The following FBXW12 variants were observed in gnomAD, a reference collection of about 807,000 sequenced individuals.
The protein encoded by FBXW12 is F-box and WD repeat domain containing 12.
In FBXW12, 43 loss-of-function variants were observed where a neutral mutation model predicts 55.3. That is an observed-to-expected ratio of 0.78 (90% CI 0.61 to 1.00). The LOEUF is 1.00. Ranked by LOEUF, FBXW12 falls within the 50% of genes least tolerant of loss-of-function variation. The pLI is 0.00. For synonymous variants in FBXW12, 184 were observed against 203.8 expected (o/e 0.90, Z 0.83); for missense variants, 524 against 560.5 (o/e 0.93, Z 0.66).
Position 48,379,437 on chromosome 3 carries a change from T to G in FBXW12, c.653T>G (p.Leu218Arg). 1 of 1,614,224 alleles carries G rather than the reference T, an allele frequency of 6.2e-7. No homozygotes were observed. The highest frequency in any genetic ancestry group is 8.5e-7 in the Non-Finnish European group (1 of 1,180,014). The change falls in exon 7 of 11, where the codon CTG becomes CGG. Residue 218 changes from leucine (L) to arginine (R), a missense_variant. Coordinates refer to ENST00000296438, the MANE Select transcript of FBXW12 (RefSeq NM_207102.2). ...GCAGGTGACATCTACACATTTACACTGCCTGGGTTAAGAGATGTTTCTAAA... is the reference window on the plus strand; with the variant it reads ...GCAGGTGACATCTACACATTTACACGGCCTGGGTTAAGAGATGTTTCTAAA... ...DAAGDIYTFT[L>R]PGLRDVSKVT...
intron 5 of FBXW12, 34 bp downstream of exon 5, chr3:48,375,506 A>G (rs1356532271): frequency 1.6e-6 from 2 of 1,248,712 alleles, no homozygotes; most frequent in Non-Finnish European, 2.3e-6. Context: ...AAAGTACTGC[A>G]TATTTGCATC....
rs964340725 is a variant in FBXW12 at position 48,380,692 on chromosome 3, C to T, written c.775-10C>T. The T allele has an allele frequency of 6.2e-7, 1 of 1,604,982 alleles. No homozygotes were observed. Among genetic ancestry groups the T allele is most frequent in the Non-Finnish European group, 8.5e-7 (1 of 1,171,604 alleles). On this transcript the variant is annotated splice_polypyrimidine_tract_variant and intron_variant, in intron 7 of 10. Coordinates refer to ENST00000296438, the MANE Select transcript of FBXW12 (RefSeq NM_207102.2). Reference sequence around the variant, plus strand: ...CCTGCCCCTGACCATGCATGCGATGCTCTCTTTAGGTATTCCTCACAGAGT... The same window carrying T: ...CCTGCCCCTGACCATGCATGCGATGTTCTCTTTAGGTATTCCTCACAGAGT...
intron 10 of FBXW12, among the ~76,000 whole-genome samples, chr3:48,386,980 C>T (rs2036856679): frequency 6.6e-6 from 1 of 151,230 alleles, no homozygotes; most frequent in African/African-American, 2.4e-5. Context: ...TCTTGTCCTC[C>T]AGGCTGGAGT....
chr3:48,390,406 CTTTTT>C (rs71625870), intron 10 of FBXW12, among the ~76,000 whole-genome samples: 3 of 57,928 alleles, frequency 5.2e-5, no homozygotes, highest in African/African-American at 1.5e-4. Flanking sequence ...AGGATTTCCT[CTTTTT>C]TTTTTTTTTT....
intron 7 of FBXW12, 54 bp from the exon 8 acceptor site, chr3:48,380,648 A>T: frequency 1.5e-6 from 2 of 1,314,186 alleles, no homozygotes; most frequent in South Asian, 2.4e-5. Flanking sequence ...TCACTCCTGT[A>T]CTGAGAGGCT....
intron 2 of FBXW12, 76 bp downstream of exon 2, chr3:48,372,933 T>C: frequency 7.5e-7 from 1 of 1,341,492 alleles, no homozygotes; most frequent in South Asian, 1.2e-5. Context: ...CTTTGCAGAA[T>C]AGCAGAGGGT....
intron 7 of FBXW12, 118 bp downstream of exon 7, chr3:48,379,676 C>T: frequency 1.3e-6 from 1 of 771,882 alleles, no homozygotes; most frequent in African/African-American, 1.7e-5. Context: ...TCTAAGACCA[C>T]ATCACAAGGG....
At position 48,380,929 on chromosome 3, in the gene FBXW12, T is replaced by G. The variant is rs748241112; in HGVS notation, c.985+17T>G. On this transcript the variant is annotated intron_variant, in intron 8 of 10. Coordinates refer to ENST00000296438, the MANE Select transcript of FBXW12 (RefSeq NM_207102.2). ...TCATCCAAGGTAGGCTGTGCCACAT[T>G]AGAAACGCTTGTTTCTCTTCCTCAT... is the stretch of plus-strand genomic sequence containing the variant. 1.4e-5 allele frequency: 22 copies of G among 1,603,094 alleles called. No individual in the cohort carries two copies. Among genetic ancestry groups the G allele is most frequent in the Admixed American group, 1.3e-4 (8 of 59,920 alleles).
At chr3:48,378,258 G>C in intron 5 of FBXW12, 59 bp from the exon 6 acceptor site, 1 of 1,317,876 alleles carries the variant, frequency 7.6e-7, no homozygotes, top group Non-Finnish European at 1.1e-6. Flanking sequence ...TGGGCAGAAT[G>C]AAAGCACAGT....
intron 10 of FBXW12, 117 bp from the exon 11 acceptor site, chr3:48,394,443 G>C: frequency 1.6e-6 from 1 of 644,966 alleles, no homozygotes; most frequent in East Asian, 2.9e-5. Flanking sequence ...CTAAGAGCAC[G>C]AAGGACCAAT....
rs142403189 is a variant in FBXW12, at chr3:48,375,382, A to G, written c.315A>G (p.Ser105=). 2.2e-5 allele frequency: 36 copies of G among 1,612,202 alleles called. No homozygotes were observed. Among genetic ancestry groups the G allele is most frequent in the Non-Finnish European group, 2.5e-5 (30 of 1,179,182 alleles). The change falls in exon 5 of 11, where the codon TCA becomes TCG. Residue 105 remains serine, a synonymous_variant. Coordinates refer to ENST00000296438, the MANE Select transcript of FBXW12 (RefSeq NM_207102.2). The part of the protein sequence containing the change: ...IAFETELAYL[S]GNRLTVDEQE... The stretch of plus-strand genomic sequence containing the variant: ...TTGAGACGGAGTTGGCTTATCTCTC[A>G]GGAAATAGACTTACAGTGGATGAAC...
chr3:48,393,316 C>T (rs927744433), intron 10 of FBXW12, among the ~76,000 whole-genome samples: 2 of 152,094 alleles, frequency 1.3e-5, no homozygotes, highest in African/African-American at 2.4e-5. Flanking sequence ...TTTCTACTCA[C>T]GTCAGTGCAC....
At chr3:48,380,673 C>T in intron 7 of FBXW12, 29 bp from the exon 8 acceptor site, 1 of 1,560,650 alleles carries the variant, frequency 6.4e-7, no homozygotes, top group Non-Finnish European at 8.8e-7. Flanking sequence ...GTTCCCTGCC[C>T]CTGACCATGC....
At chr3:48,394,264 A>G (rs1463175744) in intron 10 of FBXW12, among the ~76,000 whole-genome samples, 1 of 151,922 alleles carries the variant, frequency 6.6e-6, no homozygotes, top group Non-Finnish European at 1.5e-5. Context: ...AACAAAAACA[A>G]AAACAAACAA....
chr3:48,390,712 C>T lies in FBXW12; in HGVS notation c.1296-3848C>T, dbSNP rs143513566. ...TACAGGCGTGAGCCACCACATCTGG[C>T]CTATGATTGCTTCTAGCAGTGTTTT... On this transcript the variant is annotated intron_variant, in intron 10 of 10. Transcript: ENST00000296438. Among the ~76,000 whole-genome samples the T allele has an allele frequency of 7.2e-5, 11 of 152,116 alleles. No homozygotes were observed. The East Asian group carries it at 1.5e-3, about 21-fold the overall frequency.
intron 8 of FBXW12, 143 bp downstream of exon 8, chr3:48,381,055 C>T (rs1320248562): frequency 4.5e-6 from 3 of 666,630 alleles, no homozygotes; most frequent in African/African-American, 3.9e-5. Context: ...CGGAGTCTTG[C>T]TCTGTTGCCC....
Position 48,373,048 on chromosome 3 carries a change from C to G in FBXW12, c.90+191C>G, listed in dbSNP as rs151141325. 2.8e-4 allele frequency among the ~76,000 whole-genome samples: 42 copies of G among 152,280 alleles called. No homozygotes were observed. In the East Asian group the frequency reaches 3.1e-3, roughly 11 times the overall value. Reference sequence around the variant, plus strand: ...CAGGAGTTGTGCTGACTAAACAGTCCTTGAGGCTCCCATTTCAAGCCCTAG... The same window carrying G: ...CAGGAGTTGTGCTGACTAAACAGTCGTTGAGGCTCCCATTTCAAGCCCTAG... On this transcript the variant is annotated intron_variant, in intron 2 of 10. Transcript: ENST00000296438.
In FBXW12 at chr3:48,379,476, A is replaced by G. The variant is rs1192188978; in HGVS notation, c.692A>G (p.Gln231Arg). 1 of 1,613,980 alleles carries G rather than the reference A, an allele frequency of 6.2e-7. No individual in the cohort carries two copies. Among genetic ancestry groups the G allele is most frequent in the Non-Finnish European group, 8.5e-7 (1 of 1,179,824 alleles). Reference sequence around the variant, plus strand: ...GATGTTTCTAAAGTTACTGCATTTCAATATGGTATTGTACTTCTACACTGC... The same window carrying G: ...GATGTTTCTAAAGTTACTGCATTTCGATATGGTATTGTACTTCTACACTGC... The part of the protein sequence containing the change: ...LRDVSKVTAF[Q>R]YGIVLLHCSP... The change falls in exon 7 of 11, where the codon CAA becomes CGA. Residue 231 changes from glutamine to arginine, a missense_variant. Coordinates refer to ENST00000296438, the MANE Select transcript of FBXW12 (RefSeq NM_207102.2).
At chr3:48,388,220 A>G (rs2036873621) in intron 10 of FBXW12, among the ~76,000 whole-genome samples, 1 of 152,170 alleles carries the variant, frequency 6.6e-6, no homozygotes, top group Non-Finnish European at 1.5e-5. Flanking sequence ...TGAATGTTCC[A>G]TGTGAGCTTG....
Sources: allele counts gnomAD v4.1 joint callset (sites outside exome capture counted in the v4.1 genomes callset), GRCh38; gene constraint gnomAD v4.1.1; transcripts MANE v1.5; gene names NCBI Gene and HGNC (gene_info 2026-07-23, HGNC 2026-07-21).